Variants in DDAH1 observed in about 807,000 individuals in gnomAD.
DDAH1 encodes N(G),N(G)-dimethylarginine dimethylaminohydrolase 1.
In DDAH1, 19 loss-of-function variants were observed where a neutral mutation model predicts 28.8. The observed-to-expected ratio is 0.66, with a 90% CI of 0.46 to 0.97. The LOEUF is 0.97. DDAH1 is among the 50% of genes least tolerant of loss of function. The pLI, the probability that DDAH1 is intolerant of heterozygous loss-of-function variation, is 0.00. For missense variants in DDAH1, 326 were observed against 375.9 expected (o/e 0.87, Z 1.10); for synonymous variants, 153 against 154.4 (o/e 0.99, Z 0.07).
chr1:85,435,218 A>AGAACAAAGAGTTCGACCTGTAACTGACT (rs1553134586), intron 1 of DDAH1: 2 of 152,218 alleles, frequency 1.3e-5, no homozygotes, highest in Non-Finnish European at 2.9e-5. Flanking sequence ...GGGGAAGGGT[A>AGAACAAAGAGTTCGACCTGTAACTGACT]GAACAAAGAG....
At chr1:85,347,699 G>A (rs1306777650) in intron 4 of DDAH1, among the ~76,000 whole-genome samples, 1 of 151,962 alleles carries the variant, frequency 6.6e-6, no homozygotes, top group African/African-American at 2.4e-5. Context: ...TACCAACATG[G>A]CACATGTATA....
At chr1:85,434,836 T>A (rs1653861371) in intron 1 of DDAH1, among the ~76,000 whole-genome samples, 1 of 152,128 alleles carries the variant, frequency 6.6e-6, no homozygotes, top group Non-Finnish European at 1.5e-5. Flanking sequence ...AAAATCCTTT[T>A]AGAATTTGAT....
intron 1 of DDAH1, among the ~76,000 whole-genome samples, chr1:85,577,189 C>T (rs1227917848): frequency 6.6e-6 from 1 of 152,094 alleles, no homozygotes; most frequent in Non-Finnish European, 1.5e-5. Context: ...CACCCTCTCG[C>T]GGTGCGGACC....
At chr1:85,350,576 A>G (rs748613846) in intron 3 of DDAH1, 42 bp from the exon 4 acceptor site, 23 of 1,601,666 alleles carry the variant, frequency 1.4e-5, no homozygotes, top group Non-Finnish European at 1.9e-5. Context: ...GTATTGCAGA[A>G]TAATTCTAAA....
chr1:85,518,157 T>C (rs2795968), intron 1 of DDAH1, among the ~76,000 whole-genome samples: 1 of 152,212 alleles, frequency 6.6e-6, no homozygotes, highest in Non-Finnish European at 1.5e-5. Context: ...TAGCTATATA[T>C]ATGCACCCTG....
At chr1:85,341,838 AAAAC>A (rs1228553445) in intron 4 of DDAH1, among the ~76,000 whole-genome samples, 1 of 146,740 alleles carries the variant, frequency 6.8e-6, no homozygotes, top group Non-Finnish European at 1.5e-5. Context: ...GAGAAAAACA[AAAAC>A]AAAAAAAAAC....
chr1:85,490,395 A>G lies in DDAH1; in HGVS notation c.-7+5771T>C, dbSNP rs552344720. Among the ~76,000 whole-genome samples, 3 of 152,314 alleles carry G rather than the reference A, an allele frequency of 2.0e-5. No homozygotes were observed. The East Asian group carries it at 5.8e-4, about 29-fold the overall frequency. ...CTTCACCCAGTCACAAGCTCTCCGTATCTCTAACACAGTATGATAGTTCTC... is the reference window on the plus strand; with the variant it reads ...CTTCACCCAGTCACAAGCTCTCCGTGTCTCTAACACAGTATGATAGTTCTC... On this transcript the variant is annotated intron_variant, in intron 2 of 6. Transcript: ENST00000426972.
intron 1 of DDAH1, among the ~76,000 whole-genome samples, chr1:85,505,815 A>G (rs1656994379): frequency 6.6e-6 from 1 of 152,252 alleles, no homozygotes; most frequent in Admixed American, 6.5e-5. Flanking sequence ...TCAAAAGAGA[A>G]ACTTACTTGG....
chr1:85,395,880 C>T (rs867762717), intron 1 of DDAH1, among the ~76,000 whole-genome samples: 15 of 151,848 alleles, frequency 9.9e-5, no homozygotes, highest in Non-Finnish European at 1.5e-4. Flanking sequence ...GTTTTCTTGA[C>T]ATGTACTGAT....
chr1:85,414,857 T>C (rs76032550), intron 1 of DDAH1, among the ~76,000 whole-genome samples: 1 of 151,866 alleles, frequency 6.6e-6, no homozygotes, highest in Non-Finnish European at 1.5e-5. Context: ...CATAAACATA[T>C]GAAAAGATAC....
At chr1:85,556,381 A>C (rs1175609543) in intron 1 of DDAH1, among the ~76,000 whole-genome samples, 3 of 152,220 alleles carry the variant, frequency 2.0e-5, no homozygotes, top group African/African-American at 7.2e-5. Context: ...GTAGATCACC[A>C]CAAGTCCTTG....
chr1:85,357,189 T>C lies in DDAH1; in HGVS notation c.403+1559A>G, dbSNP rs535070020. Among the ~76,000 whole-genome samples the C allele has an allele frequency of 5.3e-5, 8 of 152,342 alleles. No individual in the cohort carries two copies. The South Asian group carries it at 8.3e-4, about 16-fold the overall frequency. Reference sequence around the variant, plus strand: ...AGATTCAAAGAATGCCTGAGTCTGCTTGGGCACACCCAGAGATAAGAATGC... The same window carrying C: ...AGATTCAAAGAATGCCTGAGTCTGCCTGGGCACACCCAGAGATAAGAATGC... On this transcript the variant is annotated intron_variant, in intron 2 of 5. Transcript: ENST00000284031.
At chr1:85,396,698 G>A (rs1003031587) in intron 1 of DDAH1, among the ~76,000 whole-genome samples, 23 of 152,176 alleles carry the variant, frequency 1.5e-4, no homozygotes, top group Admixed American at 4.6e-4. Flanking sequence ...AAGAGATAAC[G>A]TTTAACCGTC....
intron 1 of DDAH1, among the ~76,000 whole-genome samples, chr1:85,501,375 T>C (rs1021146159): frequency 1.3e-5 from 2 of 152,156 alleles, no homozygotes; most frequent in African/African-American, 4.8e-5. Context: ...AACATCTACA[T>C]CTCCAGTTTT....
intron 1 of DDAH1, among the ~76,000 whole-genome samples, chr1:85,534,433 G>GA (rs1275834596): frequency 7.9e-5 from 12 of 151,252 alleles, no homozygotes; most frequent in South Asian, 2.1e-4. Context: ...AGTGTTGTGT[G>GA]AAAAAAAAGT....
chr1:85,345,231 T>C lies in DDAH1; in HGVS notation c.597+5184A>G, dbSNP rs1648769940. ...GGGGTTGGCTTCTTTTGTTCAAACTTTGGAGTAACTGGAGTACTCATCTTT... is the reference window on the plus strand; with the variant it reads ...GGGGTTGGCTTCTTTTGTTCAAACTCTGGAGTAACTGGAGTACTCATCTTT... On this transcript the variant is annotated intron_variant, in intron 4 of 5. Transcript: ENST00000284031. 2.6e-5 allele frequency among the ~76,000 whole-genome samples: 4 copies of C among 152,094 alleles called. No homozygotes were observed. In the South Asian group the frequency reaches 8.3e-4, roughly 32 times the overall value.
At chr1:85,442,360 A>T (rs934855052) in intron 1 of DDAH1, among the ~76,000 whole-genome samples, 5 of 152,086 alleles carry the variant, frequency 3.3e-5, no homozygotes, top group Admixed American at 3.3e-4. Flanking sequence ...ACATGAACTC[A>T]TCCTTTTTTA....
intron 2 of DDAH1, among the ~76,000 whole-genome samples, chr1:85,489,849 T>C (rs1282341183): frequency 2.6e-5 from 4 of 152,162 alleles, no homozygotes; most frequent in African/African-American, 9.7e-5. Flanking sequence ...CATTAGGTAA[T>C]GAGTTGAACA....
At chr1:85,476,680 G>C (rs531685421) in intron 2 of DDAH1, among the ~76,000 whole-genome samples, 1 of 152,148 alleles carries the variant, frequency 6.6e-6, no homozygotes, top group South Asian at 2.1e-4. Context: ...ATCCTGTACT[G>C]GTCAAAGCAG....
Sources: gnomAD v4.1 joint callset for allele counts (sites outside exome capture counted in the v4.1 genomes callset) on GRCh38, gnomAD v4.1.1 for gene constraint, MANE v1.5 for transcripts, NCBI Gene and HGNC (gene_info 2026-07-23, HGNC 2026-07-21) for gene names.